BRIP1: variants seen among roughly 807,000 people sequenced by gnomAD.
The protein encoded by BRIP1 is Fanconi anemia group J protein.
BRIP1 carries 88 observed loss-of-function variants against 119.7 expected under a neutral mutation model. The ratio of observed to expected loss-of-function variants is 0.74; its 90% CI spans 0.62 to 0.88. BRIP1 has a LOEUF of 0.88. Among genes scored for constraint, BRIP1 ranks in the 40% least tolerant of loss-of-function variants. The probability of loss-of-function intolerance (pLI) is 0.00; values close to 1 mark genes in which losing one functional copy is unlikely to be tolerated. For synonymous variants in BRIP1, 443 were observed against 496.5 expected (o/e 0.89, Z 1.43); for missense variants, 1,259 against 1,455.4 (o/e 0.87, Z 2.20).
At chr17:61,790,630 T>C (rs144580108) in intron 10 of BRIP1, among the ~76,000 whole-genome samples, 176 of 152,276 alleles carry the variant, frequency 1.2e-3, no homozygotes, top group African/African-American at 3.9e-3. Context: ...TATATGAATA[T>C]GCTACAATTT....
intron 10 of BRIP1, among the ~76,000 whole-genome samples, chr17:61,786,550 C>A (rs1233746690): frequency 6.8e-6 from 1 of 148,018 alleles, no homozygotes; most frequent in Non-Finnish European, 1.5e-5. Context: ...AGAATTAGGG[C>A]AAATTTCCTT....
At chr17:61,721,692 CTTTTT>C (rs71150632) in intron 16 of BRIP1, among the ~76,000 whole-genome samples, 2 of 73,626 alleles carry the variant, frequency 2.7e-5, no homozygotes, top group Non-Finnish European at 2.4e-5. Context: ...TAGACTTTGC[CTTTTT>C]TTTTTTTTTT....
At position 61,683,812 on chromosome 17, in the gene BRIP1, C is replaced by A. The variant is rs570238270; in HGVS notation, c.3234G>T (p.Lys1078Asn). 1 of 1,614,164 alleles carries A rather than the reference C, an allele frequency of 6.2e-7. No individual in the cohort carries two copies. The highest frequency in any genetic ancestry group is 8.5e-7 in the Non-Finnish European group (1 of 1,180,020). The change falls in exon 20 of 20, where the codon AAG (lysine) becomes AAT (asparagine). Residue 1078 changes from lysine (K) to asparagine (N), a missense_variant. Transcript: ENST00000259008. The surrounding 1 kb of genome is among the most constrained non-coding windows in gnomAD (Gnocchi z 4.7). ...PQSETIISSL[K>N]IDATLTRKNH... ...TTTTTCTAGTAAGGGTGGCATCAAT[C>A]TTTAATGATGAAATAATGGTTTCTG...
intron 11 of BRIP1, 46 bp downstream of exon 11, chr17:61,784,224 T>A (rs2077666069): frequency 6.4e-7 from 1 of 1,557,130 alleles, no homozygotes; most frequent in Admixed American, 1.7e-5. Context: ...GCATCCAAAT[T>A]AGGCTATTTT....
At chr17:61,777,759 A>G (rs562942264) in intron 13 of BRIP1, among the ~76,000 whole-genome samples, 1 of 152,340 alleles carries the variant, frequency 6.6e-6, no homozygotes, top group Admixed American at 6.5e-5. Context: ...GCTATCTGGA[A>G]GCTCTCTGAA....
rs1300118497 is a variant in BRIP1, at chr17:61,730,463, A to G, written c.2379+12550T>C. Among the ~76,000 whole-genome samples, 5 of 152,206 alleles carry G rather than the reference A, an allele frequency of 3.3e-5. No homozygotes were observed. In the East Asian group the frequency reaches 7.7e-4, roughly 23 times the overall value. On this transcript the variant is annotated intron_variant, in intron 16 of 19. Coordinates refer to ENST00000259008, the MANE Select transcript of BRIP1 (RefSeq NM_032043.3). The surrounding 1 kb of genome is among the most constrained non-coding windows in gnomAD (Gnocchi z 4.3). ...GAGCTGCTGATTATGCTCCATGCCA[A>G]CATAAGTAGGTAAGTGTCAATCAAC...
rs1060501745 is a variant in BRIP1, at chr17:61,744,543, T to G, written c.2146A>C (p.Asn716His). The G allele has an allele frequency of 6.2e-7, 1 of 1,613,774 alleles. No homozygotes were observed. Among genetic ancestry groups the G allele is most frequent in the Non-Finnish European group, 8.5e-7 (1 of 1,179,856 alleles). ...ATGACTGTCTTCACCAACTCCAGAT[T>G]ATGCCATAAACCAGTAGAGAGCCAA... ...ERWLSTGLWH[N>H]LELVKTVIVE... Residue 716 changes from asparagine to histidine, a missense_variant, in exon 15 of 20, where the codon AAT becomes CAT. Transcript: ENST00000259008. This position sits in a 1 kb window ranked among gnomAD's most constrained non-coding sequence, Gnocchi z 5.0.
rs2078088973 is a variant in BRIP1, at chr17:61,807,344, T to C, written c.918+1123A>G. On this transcript the variant is annotated intron_variant, in intron 7 of 19. Transcript: ENST00000259008. This position sits in a 1 kb window ranked among gnomAD's most constrained non-coding sequence, Gnocchi z 4.5. ...AACTCTTTGGAAATAAATATGACTG[T>C]AGGATTTCAACAATGACTTTGATTC... Among the ~76,000 whole-genome samples the C allele has an allele frequency of 6.6e-6, 1 of 152,226 alleles. No homozygotes were observed. The highest frequency in any genetic ancestry group is 1.5e-5 in the Non-Finnish European group (1 of 68,028).
At chr17:61,830,626 A>G (rs2078479666) in intron 6 of BRIP1, among the ~76,000 whole-genome samples, 1 of 152,208 alleles carries the variant, frequency 6.6e-6, no homozygotes, top group South Asian at 2.1e-4. Flanking sequence ...TCAGAAACAG[A>G]AAATGTGAAT....
chr17:61,714,927 G>A (rs1013532847), intron 17 of BRIP1, among the ~76,000 whole-genome samples: 4 of 149,330 alleles, frequency 2.7e-5, no homozygotes, highest in East Asian at 2.1e-4. Context: ...TCAGCCTCCC[G>A]AGTAGCTCAC....
rs555200296 is a variant in BRIP1 at position 61,685,993 on chromosome 17, G to A, written c.2748C>T (p.Tyr916=). The change falls in exon 19 of 20, where the codon TAC becomes TAT. Residue 916 remains tyrosine (Y), a synonymous_variant. Transcript: ENST00000259008. ...ESTLEVTSLK[Y]STSPYLLEAA... ...CTTCCAGTAAATAAGGTGAGGTACT[G>A]TACTTTAAAGAGGTCACTTCAAGTG... is the stretch of plus-strand genomic sequence containing the variant. The A allele has an allele frequency of 9.9e-6, 16 of 1,613,978 alleles. 1 individual carries two copies. In the East Asian group the frequency reaches 3.3e-4, roughly 34 times the overall value.
rs774717223 is a variant in BRIP1, at chr17:61,699,553, G to T, written c.2493-6041C>A. ...AATAGTACAAAAAAATGGTCCTTCT[G>T]TTCCCTCATCTGTCACCTTTGGGTT... On this transcript the variant is annotated intron_variant, in intron 17 of 19. Coordinates refer to ENST00000259008, the MANE Select transcript of BRIP1 (RefSeq NM_032043.3). The surrounding 1 kb of genome is among the most constrained non-coding windows in gnomAD (Gnocchi z 4.8). Among the ~76,000 whole-genome samples, 3 of 152,242 alleles carry T rather than the reference G, an allele frequency of 2.0e-5. No individual in the cohort carries two copies. Among genetic ancestry groups the T allele is most frequent in the Non-Finnish European group, 2.9e-5 (2 of 68,018 alleles).
intron 6 of BRIP1, among the ~76,000 whole-genome samples, chr17:61,836,823 T>TAATATGACCTGTAACAGTATAA (rs1430590723): frequency 2.0e-5 from 3 of 152,188 alleles, no homozygotes; most frequent in Admixed American, 2.0e-4. Flanking sequence ...GTAATGCATA[T>TAATATGACCTGTAACAGTATAA]AATATGACCT....
rs2077413648 is a variant in BRIP1, at chr17:61,769,232, C to G, written c.2097+7169G>C. 1.3e-5 allele frequency among the ~76,000 whole-genome samples: 2 copies of G among 152,228 alleles called. No individual in the cohort carries two copies. The highest frequency in any genetic ancestry group is 4.2e-4 in the South Asian group (2 of 4,816). The stretch of plus-strand genomic sequence containing the variant: ...GAAGAAAAACCCAGATAAGCCATGC[C>G]CAGACTCCTGACCCACAGAAAGAGT... On this transcript the variant is annotated intron_variant, in intron 14 of 19. Coordinates refer to ENST00000259008, the MANE Select transcript of BRIP1 (RefSeq NM_032043.3). This position sits in a 1 kb window ranked among gnomAD's most constrained non-coding sequence, Gnocchi z 4.9.
rs2144722530 is a variant in BRIP1 at position 61,746,844 on chromosome 17, A to G, written c.2098-2253T>C. On this transcript the variant is annotated intron_variant, in intron 14 of 19. Transcript: ENST00000259008. The surrounding 1 kb of genome is among the most constrained non-coding windows in gnomAD (Gnocchi z 4.9). ...CAATACTAGAGACCAGATGGACCTGACATATATAGAACATTTTACCCAACA... is the reference window on the plus strand; with the variant it reads ...CAATACTAGAGACCAGATGGACCTGGCATATATAGAACATTTTACCCAACA... 6.6e-6 allele frequency among the ~76,000 whole-genome samples: 1 copy of G among 152,260 alleles called. No individual in the cohort carries two copies. Among genetic ancestry groups the G allele is most frequent in the African/African-American group, 2.4e-5 (1 of 41,582 alleles).
rs1304308149 is a variant in BRIP1 at position 61,687,501 on chromosome 17, G to A, written c.2576-1336C>T. ...AATAAAGCAATATTTTCTGCTTTATGTTTTAATATCAAACCAAATACAGTC... is the reference window on the plus strand; with the variant it reads ...AATAAAGCAATATTTTCTGCTTTATATTTTAATATCAAACCAAATACAGTC... On this transcript the variant is annotated intron_variant, in intron 18 of 19. Transcript: ENST00000259008. The surrounding 1 kb of genome is among the most constrained non-coding windows in gnomAD (Gnocchi z 5.1). Among the ~76,000 whole-genome samples, 4 of 152,074 alleles carry A rather than the reference G, an allele frequency of 2.6e-5. No homozygotes were observed. Among genetic ancestry groups the A allele is most frequent in the African/African-American group, 7.2e-5 (3 of 41,410 alleles).
At position 61,730,328 on chromosome 17, in the gene BRIP1, AT is replaced by A. The variant is rs1159468145; in HGVS notation, c.2379+12684del. Among the ~76,000 whole-genome samples, 20 of 152,354 alleles carry A rather than the reference AT, an allele frequency of 1.3e-4. No homozygotes were observed. The highest frequency in any genetic ancestry group is 1.1e-3 in the Admixed American group (17 of 15,300). ...TCTACAATCTGTAGGCATTGAGAGA[AT>A]TTGACTGAATAAACTGATTAAAATT... On this transcript the variant is annotated intron_variant, in intron 16 of 19. Transcript: ENST00000259008. This position sits in a 1 kb window ranked among gnomAD's most constrained non-coding sequence, Gnocchi z 4.3.
At position 61,766,508 on chromosome 17, in the gene BRIP1, GA is replaced by G. The variant is rs370928165; in HGVS notation, c.2097+9892del. On this transcript the variant is annotated intron_variant, in intron 14 of 19. Transcript: ENST00000259008. ...GAAATTTCAGCCTTCTACACGAGGG[GA>G]AAAAAAACACTTTTTAATGTAGCAA... 3.3e-3 allele frequency among the ~76,000 whole-genome samples: 507 copies of G among 151,642 alleles called. 4 individuals are homozygous for G. The highest frequency in any genetic ancestry group is 0.012 in the African/African-American group (479 of 41,428).
rs2144703237 is a variant in BRIP1, at chr17:61,744,644, T to A, written c.2098-53A>T. 1 of 1,496,910 alleles carries A rather than the reference T, an allele frequency of 6.7e-7. No homozygotes were observed. Among genetic ancestry groups the A allele is most frequent in the Non-Finnish European group, 9.3e-7 (1 of 1,074,548 alleles). 92.7% of individuals were successfully genotyped at this position (1,496,910 alleles called of 1,614,324 possible). A position where few individuals can be genotyped will look rare whatever the true frequency, so the allele number is the denominator to read the frequency against. On this transcript the variant is annotated intron_variant, in intron 14 of 19. Coordinates refer to ENST00000259008, the MANE Select transcript of BRIP1 (RefSeq NM_032043.3). The surrounding 1 kb of genome is among the most constrained non-coding windows in gnomAD (Gnocchi z 5.0). ...TTTTGTGTGTCTAGCTAAACAAACT[T>A]AACTTCATTTGTTTAAGCCAATGTG...
Sources: allele counts gnomAD v4.1 joint callset (sites outside exome capture counted in the v4.1 genomes callset), GRCh38; gene constraint gnomAD v4.1.1; non-coding constraint Gnocchi (gnomAD v3.1); transcripts MANE v1.5; gene names NCBI Gene and HGNC (gene_info 2026-07-23, HGNC 2026-07-21).